GRB10: variants seen among roughly 807,000 people sequenced by gnomAD.
The protein encoded by GRB10 is growth factor receptor-bound protein 10.
Under a neutral mutation model 80.9 loss-of-function variants are expected in GRB10, and 20 were observed. That is an observed-to-expected ratio of 0.25 (90% confidence interval 0.17 to 0.36). The LOEUF (loss-of-function observed/expected upper bound fraction) is 0.36. Ranked by LOEUF, GRB10 falls within the 10% of genes least tolerant of loss-of-function variation. The pLI, the probability that GRB10 is intolerant of heterozygous loss-of-function variation, is 1.00. For synonymous variants in GRB10, 291 were observed against 291.5 expected, an observed-to-expected ratio of 1.00 and a Z score of 0.02; for missense variants, 548 against 747.7, an observed-to-expected ratio of 0.73 and a Z score of 3.12.
At chr7:50,673,885 G>A (rs2060618559) in intron 6 of GRB10, among the ~76,000 whole-genome samples, 3 of 152,048 alleles carry the variant, frequency 2.0e-5, no homozygotes, top group Admixed American at 6.5e-5. Context: ...TTTGACATCC[G>A]TTCAGAAATC....
chr7:50,696,812 T>C lies in GRB10; in HGVS notation c.139+7009A>G, dbSNP rs116048312. Among the ~76,000 whole-genome samples, 466 of 152,326 alleles carry C rather than the reference T, an allele frequency of 3.1e-3. 2 individuals carry two copies. The highest frequency in any genetic ancestry group is 0.011 in the African/African-American group (440 of 41,574). On this transcript the variant is annotated intron_variant, in intron 5 of 18. Coordinates refer to ENST00000401949, the MANE Select transcript of GRB10 (RefSeq NM_001350814.2). Reference sequence around the variant, plus strand: ...ACAATCCAGCAATTCCACTTCTAGATACATACCCCAAGGATTTGAAAGCAG... The same window carrying C: ...ACAATCCAGCAATTCCACTTCTAGACACATACCCCAAGGATTTGAAAGCAG...
At chr7:50,616,763 C>T (rs1314930286) in intron 10 of GRB10, among the ~76,000 whole-genome samples, 5 of 152,204 alleles carry the variant, frequency 3.3e-5, no homozygotes, top group African/African-American at 1.2e-4. Context: ...GTCATGTGTC[C>T]GCAAGTGATG....
At chr7:50,723,753 G>A (rs776915988) in intron 4 of GRB10, among the ~76,000 whole-genome samples, 13 of 152,192 alleles carry the variant, frequency 8.5e-5, no homozygotes, top group Non-Finnish European at 1.9e-4. Context: ...ATTCAAACCT[G>A]GGGCCTGCAT....
chr7:50,752,836 C>T (rs754758545), intron 3 of GRB10, among the ~76,000 whole-genome samples: 2 of 152,220 alleles, frequency 1.3e-5, no homozygotes, highest in Non-Finnish European at 2.9e-5. Flanking sequence ...CCTAAAACTT[C>T]TCCCATGAGA....
At position 50,616,162 on chromosome 7, in the gene GRB10, G is replaced by A. The variant is rs561669666; in HGVS notation, c.984+48C>T. 9 of 1,612,590 alleles carry A rather than the reference G, an allele frequency of 5.6e-6. No individual in the cohort carries two copies. In the African/African-American group the frequency reaches 8.0e-5, roughly 14 times the overall value. The stretch of plus-strand genomic sequence containing the variant: ...GGTTCACTCTGAGGACCTGGGGGGA[G>A]TGACTGTGGCAGAATTAGGGCTGGT... On this transcript the variant is annotated intron_variant, in intron 11 of 18. Coordinates refer to ENST00000401949, the MANE Select transcript of GRB10 (RefSeq NM_001350814.2).
chr7:50,731,994 G>C (rs2069831718), intron 4 of GRB10, among the ~76,000 whole-genome samples: 1 of 152,246 alleles, frequency 6.6e-6, no homozygotes, highest in African/African-American at 2.4e-5. Context: ...CCGGCTCTCA[G>C]GGGGCAACTC....
intron 18 of GRB10, among the ~76,000 whole-genome samples, chr7:50,594,860 G>C (rs932459814): frequency 7.9e-5 from 12 of 152,222 alleles, no homozygotes; most frequent in African/African-American, 2.9e-4. Context: ...AAGGGAGAAT[G>C]GTCTTTAGAT....
At chr7:50,671,305 T>C (rs2060329046) in intron 6 of GRB10, among the ~76,000 whole-genome samples, 1 of 152,228 alleles carries the variant, frequency 6.6e-6, no homozygotes, top group African/African-American at 2.4e-5. Context: ...GTAATTTTTT[T>C]GACAATTTTT....
At chr7:50,710,942 A>C (rs759298480) in intron 4 of GRB10, 1 of 1,602,022 alleles carries the variant, frequency 6.2e-7, no homozygotes, top group Non-Finnish European at 8.5e-7. Flanking sequence ...TACAGTGGGT[A>C]TCACGTGGCT....
At chr7:50,760,400 C>A (rs145165746) in intron 2 of GRB10, among the ~76,000 whole-genome samples, 1 of 152,084 alleles carries the variant, frequency 6.6e-6, no homozygotes, top group African/African-American at 2.4e-5. Flanking sequence ...CGCTAAGTTC[C>A]TAAATGGAAA....
At chr7:50,725,297 G>GT (rs1251107499) in intron 4 of GRB10, among the ~76,000 whole-genome samples, 2 of 152,172 alleles carry the variant, frequency 1.3e-5, no homozygotes, top group Admixed American at 6.5e-5. Context: ...CTCCAGCCAC[G>GT]TAAGACTTGC....
intron 8 of GRB10, among the ~76,000 whole-genome samples, chr7:50,620,765 T>G (rs1458218851): frequency 6.6e-6 from 1 of 152,118 alleles, no homozygotes; most frequent in African/African-American, 2.4e-5. Flanking sequence ...ACCAAGAACA[T>G]GCAACAAAAA....
intron 11 of GRB10, among the ~76,000 whole-genome samples, chr7:50,615,638 T>G (rs1362146739): frequency 6.6e-6 from 1 of 152,106 alleles, no homozygotes; most frequent in Non-Finnish European, 1.5e-5. Flanking sequence ...CAGCCAGGTA[T>G]TGGGTGGACA....
rs371043927 is a variant in GRB10, at chr7:50,635,549, C to CA, written c.505-8572dup. ...GCAGAACTAAGTGTTATTGAGACCCCAAAAAACAAAACAAAACAAAAAAAC... is the reference window on the plus strand; with the variant it reads ...GCAGAACTAAGTGTTATTGAGACCCCAAAAAAACAAAACAAAACAAAAAAAC... On this transcript the variant is annotated intron_variant, in intron 7 of 18. Transcript: ENST00000401949. Among the ~76,000 whole-genome samples the CA allele has an allele frequency of 3.9e-3, 463 of 119,496 alleles. 2 individuals are homozygous for CA. The highest frequency in any genetic ancestry group is 0.014 in the African/African-American group (438 of 32,172). The allele number at this position is 119,496 out of a possible 152,430, so 78.4% of individuals were successfully genotyped here. A position where few individuals can be genotyped will look rare whatever the true frequency, so the allele number is the denominator to read the frequency against.
At chr7:50,666,699 A>G (rs1166988274) in intron 7 of GRB10, among the ~76,000 whole-genome samples, 1 of 152,142 alleles carries the variant, frequency 6.6e-6, no homozygotes, top group African/African-American at 2.4e-5. Context: ...GGACACCAGC[A>G]TCTGATCTCT....
chr7:50,642,026 C>G (rs1293036695), intron 7 of GRB10, among the ~76,000 whole-genome samples: 1 of 152,198 alleles, frequency 6.6e-6, no homozygotes, highest in Non-Finnish European at 1.5e-5. Flanking sequence ...GACAGAGGCT[C>G]TACATAGAGG....
intron 17 of GRB10, among the ~76,000 whole-genome samples, chr7:50,601,815 G>A (rs1434737265): frequency 6.6e-6 from 1 of 152,160 alleles, no homozygotes; most frequent in East Asian, 1.9e-4. Flanking sequence ...TCTAAAGATT[G>A]TAGTCTCCAA....
chr7:50,662,945 T>C (rs1297111361), intron 7 of GRB10, among the ~76,000 whole-genome samples: 3 of 152,258 alleles, frequency 2.0e-5, no homozygotes, highest in Non-Finnish European at 1.5e-5. Flanking sequence ...CAAGGGAATC[T>C]ACTTCAACCT....
intron 7 of GRB10, among the ~76,000 whole-genome samples, chr7:50,652,209 T>C (rs2058076211): frequency 6.6e-6 from 1 of 152,164 alleles, no homozygotes; most frequent in Non-Finnish European, 1.5e-5. Flanking sequence ...TAAAAGTAAG[T>C]GGAATACCAT....
Sources: allele counts gnomAD v4.1 joint callset (sites outside exome capture counted in the v4.1 genomes callset), GRCh38; gene constraint gnomAD v4.1.1; transcripts MANE v1.5; gene names NCBI Gene and HGNC (gene_info 2026-07-23, HGNC 2026-07-21).